LZTFL1: variants seen among roughly 807,000 people sequenced by gnomAD.
LZTFL1 encodes the protein leucine zipper transcription factor like 1.
In LZTFL1, 25 loss-of-function variants were observed where a neutral mutation model predicts 45.9. The observed-to-expected ratio is 0.54, with a 90% CI of 0.40 to 0.76. LZTFL1 has a LOEUF of 0.76. Ranked by LOEUF, LZTFL1 falls within the 30% of genes least tolerant of loss-of-function variation. The probability of loss-of-function intolerance (pLI) is 0.00; values close to 1 mark genes in which losing one functional copy is unlikely to be tolerated. For synonymous variants in LZTFL1, 93 were observed against 117.4 expected, an observed-to-expected ratio of 0.79 and a Z score of 1.35; for missense variants, 277 against 331.1, an observed-to-expected ratio of 0.84 and a Z score of 1.27.
chr3:45,863,470 GA>G (rs1275542039), intron 2 of LZTFL1, among the ~76,000 whole-genome samples: 2 of 152,170 alleles, frequency 1.3e-5, no homozygotes, highest in Non-Finnish European at 2.9e-5. Flanking sequence ...GTCTTCAGGA[GA>G]AAAACAGAAT....
chr3:45,893,740 C>T (rs1466976159), intron 2 of LZTFL1, among the ~76,000 whole-genome samples: 2 of 152,198 alleles, frequency 1.3e-5, no homozygotes, highest in Non-Finnish European at 2.9e-5. Flanking sequence ...CAGAGTAAAG[C>T]TGTAATAAAC....
intron 2 of LZTFL1, among the ~76,000 whole-genome samples, chr3:45,907,631 C>T (rs146057414): frequency 2.7e-3 from 411 of 152,318 alleles, no homozygotes; most frequent in African/African-American, 9.6e-3. Flanking sequence ...TGGCTCGCTG[C>T]GTGGGCATGG....
intron 4 of LZTFL1, among the ~76,000 whole-genome samples, chr3:45,852,137 C>A (rs900548302): frequency 3.9e-5 from 6 of 152,140 alleles, no homozygotes; most frequent in African/African-American, 1.4e-4. Flanking sequence ...GTACCTTTAT[C>A]TATAAGCAAG....
intron 2 of LZTFL1, among the ~76,000 whole-genome samples, chr3:45,888,198 C>G (rs960377228): frequency 1.3e-5 from 2 of 152,230 alleles, no homozygotes; most frequent in Admixed American, 1.3e-4. Flanking sequence ...GGTCCCTGCA[C>G]ATACCCCATG....
At chr3:45,906,123 C>T (rs902880757) in intron 2 of LZTFL1, among the ~76,000 whole-genome samples, 10 of 152,162 alleles carry the variant, frequency 6.6e-5, no homozygotes, top group Non-Finnish European at 1.3e-4. Context: ...TTCCAAGAGC[C>T]CACCTAAGGC....
At chr3:45,902,080 G>C (rs931365666) in intron 2 of LZTFL1, 4 of 581,408 alleles carry the variant, frequency 6.9e-6, no homozygotes, top group Non-Finnish European at 9.1e-6. Flanking sequence ...CAACTGACTA[G>C]TGCAGGAGGC....
chr3:45,845,011 C>T (rs1456931025), upstream of LZTFL1, among the ~76,000 whole-genome samples: 2 of 152,102 alleles, frequency 1.3e-5, no homozygotes, highest in Non-Finnish European at 1.5e-5. Flanking sequence ...GAACAAACAC[C>T]GAAACCATCA....
chr3:45,871,674 A>ATT (rs34195376), intron 2 of LZTFL1, among the ~76,000 whole-genome samples: 4 of 150,056 alleles, frequency 2.7e-5, no homozygotes, highest in Admixed American at 2.0e-4. Context: ...GTGTATGTGC[A>ATT]TTTTTTTTTT....
chr3:45,870,309 T>C (rs1701651684), intron 2 of LZTFL1, among the ~76,000 whole-genome samples: 1 of 152,232 alleles, frequency 6.6e-6, no homozygotes, highest in African/African-American at 2.4e-5. Flanking sequence ...TCTAGAATTA[T>C]GAGTTGACAA....
At chr3:45,897,917 G>T (rs375992321) in intron 2 of LZTFL1, among the ~76,000 whole-genome samples, 2 of 140,068 alleles carry the variant, frequency 1.4e-5, no homozygotes, top group Non-Finnish European at 3.0e-5. Flanking sequence ...GGCTGCTTGC[G>T]ATTTGCTTCA....
At chr3:45,849,485 T>C (rs995355782) in intron 4 of LZTFL1, among the ~76,000 whole-genome samples, 3 of 152,168 alleles carry the variant, frequency 2.0e-5, no homozygotes, top group Non-Finnish European at 2.9e-5. Flanking sequence ...AAAAAATAAC[T>C]GAACACACTA....
At chr3:45,827,196 G>A (rs1021641811) in intron 9 of LZTFL1, 160 bp downstream of exon 9, 3 of 631,002 alleles carry the variant, frequency 4.8e-6, no homozygotes, top group Non-Finnish European at 8.4e-6. Context: ...TATAGATAAG[G>A]TCAGGCCAGA....
intron 1 of LZTFL1, among the ~76,000 whole-genome samples, chr3:45,838,999 G>C (rs1701036287): frequency 6.6e-6 from 1 of 152,218 alleles, no homozygotes; most frequent in Non-Finnish European, 1.5e-5. Context: ...TATTATCTCT[G>C]ATAGTCACAC....
At chr3:45,911,497 G>T (rs758794046) in intron 2 of LZTFL1, among the ~76,000 whole-genome samples, 7 of 152,220 alleles carry the variant, frequency 4.6e-5, no homozygotes, top group African/African-American at 9.6e-5. Context: ...TTGGATCCAC[G>T]TCTTTCTGAT....
rs1206418827 is a variant in LZTFL1 at position 45,829,608 on chromosome 3, GAAAA to G, written c.601-997_601-994del. On this transcript the variant is annotated intron_variant, in intron 7 of 9. Transcript: ENST00000296135. ...AACAGAATAAGGCCCTGTCTCAAAA[GAAAA>G]AAAAAAAAAAAAAAAAAAAGTACTT... is the stretch of plus-strand genomic sequence containing the variant. 8.5e-5 allele frequency among the ~76,000 whole-genome samples: 5 copies of G among 58,932 alleles called. No individual in the cohort carries two copies. The East Asian group carries it at 2.7e-3, about 31-fold the overall frequency. 38.7% of individuals were successfully genotyped at this position (58,932 alleles called of 152,430 possible). A position where few individuals can be genotyped will look rare whatever the true frequency, so the allele number is the denominator to read the frequency against.
chr3:45,831,197 A>G, intron 5 of LZTFL1, 59 bp from the exon 6 acceptor site: 1 of 913,864 alleles, frequency 1.1e-6, no homozygotes, highest in African/African-American at 1.7e-5. Context: ...ATTTGAAATT[A>G]TTACTTGTTT....
intron 3 of LZTFL1, chr3:45,835,323 G>C: frequency 2.6e-6 from 1 of 387,506 alleles, no homozygotes; most frequent in Admixed American, 4.4e-5. Flanking sequence ...CAAAAATGCT[G>C]TAAGAAATAA....
At chr3:45,836,744 A>G (rs574696345) in intron 2 of LZTFL1, among the ~76,000 whole-genome samples, 7 of 152,224 alleles carry the variant, frequency 4.6e-5, no homozygotes, top group Non-Finnish European at 8.8e-5. Flanking sequence ...CAATCCCCTA[A>G]CTTTACAGAT....
intron 7 of LZTFL1, among the ~76,000 whole-genome samples, 178 bp downstream of exon 7, chr3:45,830,735 T>C (rs1700790460): frequency 6.6e-6 from 1 of 152,126 alleles, no homozygotes; most frequent in Non-Finnish European, 1.5e-5. Flanking sequence ...AGAGGGAAGG[T>C]CACTGGTTCT....
Sources: allele counts gnomAD v4.1 joint callset (sites outside exome capture counted in the v4.1 genomes callset), GRCh38; gene constraint gnomAD v4.1.1; transcripts MANE v1.5; gene names NCBI Gene and HGNC (gene_info 2026-07-23, HGNC 2026-07-21).